Variants in CORO2B observed in about 807,000 individuals in gnomAD.
The protein encoded by CORO2B is coronin 2B.
CORO2B carries 26 observed loss-of-function variants against 58.8 expected under a neutral mutation model. That is an observed-to-expected ratio of 0.44 (90% CI 0.32 to 0.61). The LOEUF is 0.61. Among genes scored for constraint, CORO2B ranks in the 20% least tolerant of loss-of-function variants. CORO2B has a pLI of 0.04. For missense variants in CORO2B, 460 were observed against 645.1 expected (o/e 0.71, Z 3.11); for synonymous variants, 242 against 253.8 (o/e 0.95, Z 0.44).
intron 1 of CORO2B, among the ~76,000 whole-genome samples, chr15:68,600,512 C>G (rs540869493): frequency 6.6e-6 from 1 of 152,270 alleles, no homozygotes; most frequent in Admixed American, 6.5e-5. Context: ...AGGACTTAGT[C>G]GGAAAGACAA....
At chr15:68,587,597 C>T (rs905394634) in intron 1 of CORO2B, among the ~76,000 whole-genome samples, 1 of 152,012 alleles carries the variant, frequency 6.6e-6, no homozygotes, top group East Asian at 1.9e-4. Flanking sequence ...GGTGCTAGGC[C>T]CCTGCTTTCA....
At chr15:68,569,754 A>C in the CORO2B span, among the ~76,000 whole-genome samples, 8 of 152,342 alleles carry the variant, frequency 5.3e-5, no homozygotes, top group South Asian at 1.7e-3. Context: ...ATTCCTACCA[A>C]CAATGAATGA....
intron 1 of CORO2B, among the ~76,000 whole-genome samples, chr15:68,597,864 G>A (rs1328816675): frequency 1.3e-5 from 2 of 152,184 alleles, no homozygotes; most frequent in African/African-American, 2.4e-5. Context: ...GGCCACTGTG[G>A]TGGTCCAGGC....
intron 2 of CORO2B, among the ~76,000 whole-genome samples, chr15:68,687,052 A>G (rs1265390364): frequency 1.3e-5 from 2 of 152,182 alleles, no homozygotes. Flanking sequence ...ATGTGGACTC[A>G]ATATGGATTC....
chr15:68,704,830 A>G (rs922411031), intron 3 of CORO2B, among the ~76,000 whole-genome samples: 7 of 152,104 alleles, frequency 4.6e-5, no homozygotes, highest in African/African-American at 1.7e-4. Context: ...TGCTGGAGAG[A>G]GTAGTTTTGC....
chr15:68,577,145 T>G (rs770462104), upstream of CORO2B, among the ~76,000 whole-genome samples: 2 of 152,166 alleles, frequency 1.3e-5, no homozygotes, highest in Non-Finnish European at 2.9e-5. Context: ...AGAGATTTAG[T>G]AAGTCCCTGG....
chr15:68,613,232 A>C (rs1900280562), intron 1 of CORO2B, among the ~76,000 whole-genome samples: 1 of 152,226 alleles, frequency 6.6e-6, no homozygotes, highest in Admixed American at 6.5e-5. Context: ...CCTGATAAAA[A>C]CTGAGACTAT....
the CORO2B span, among the ~76,000 whole-genome samples, chr15:68,555,912 C>A: frequency 6.6e-6 from 1 of 152,310 alleles, no homozygotes; most frequent in African/African-American, 2.4e-5. Context: ...AGACGGCCAT[C>A]TGGCCCCTCC....
chr15:68,701,611 G>T (rs1049787795), intron 3 of CORO2B, among the ~76,000 whole-genome samples: 1 of 146,528 alleles, frequency 6.8e-6, no homozygotes, highest in African/African-American at 2.5e-5. Flanking sequence ...TCAGCCTCCC[G>T]TGTAGCTGGG....
chr15:68,641,786 G>A (rs1023346617), intron 1 of CORO2B, among the ~76,000 whole-genome samples: 1 of 152,090 alleles, frequency 6.6e-6, no homozygotes, highest in African/African-American at 2.4e-5. Flanking sequence ...GTGCAGTGGT[G>A]CGACTCAGCC....
In CORO2B at chr15:68,624,797, C is replaced by T. The variant is rs1900631306; in HGVS notation, c.16-20363C>T. Among the ~76,000 whole-genome samples, 7 of 152,248 alleles carry T rather than the reference C, an allele frequency of 4.6e-5. No homozygotes were observed. In the South Asian group the frequency reaches 1.4e-3, roughly 32 times the overall value. On this transcript the variant is annotated intron_variant, in intron 1 of 11. Coordinates refer to ENST00000261861, the MANE Select transcript of CORO2B (RefSeq NM_006091.5). ...AACCTCCATCTCCTGATTCTCTTGC[C>T]TCAGCCTCCTGAGTAGCTGGGATTA...
At chr15:68,715,140 C>T in intron 7 of CORO2B, 75 bp from the exon 8 acceptor site, 1 of 1,318,158 alleles carries the variant, frequency 7.6e-7, no homozygotes, top group South Asian at 1.2e-5. Flanking sequence ...CTGTCTTCAG[C>T]TGGCTCCTGG....
chr15:68,629,206 T>A lies in CORO2B; in HGVS notation c.16-15954T>A, dbSNP rs1355111565. ...TCTGCAGTAGTTCTGAATGAGTCAA[T>A]GTCTGAGAAAAGCATTTAGATCAGA... On this transcript the variant is annotated intron_variant, in intron 1 of 11. Coordinates refer to ENST00000261861, the MANE Select transcript of CORO2B (RefSeq NM_006091.5). Among the ~76,000 whole-genome samples, 4 of 152,354 alleles carry A rather than the reference T, an allele frequency of 2.6e-5. No homozygotes were observed. In the East Asian group the frequency reaches 5.8e-4, roughly 22 times the overall value.
intron 2 of CORO2B, among the ~76,000 whole-genome samples, chr15:68,668,877 G>A (rs865822105): frequency 2.6e-5 from 4 of 152,166 alleles, no homozygotes; most frequent in African/African-American, 7.2e-5. Flanking sequence ...TCAGGAGTTC[G>A]AGACTAGCCT....
chr15:68,555,313 C>G, the CORO2B span, among the ~76,000 whole-genome samples: 1 of 152,230 alleles, frequency 6.6e-6, no homozygotes, highest in African/African-American at 2.4e-5. Context: ...TCCCCTCCCA[C>G]CAAGGCTAGA....
intron 1 of CORO2B, among the ~76,000 whole-genome samples, chr15:68,596,963 G>A (rs1899846605): frequency 6.6e-6 from 1 of 152,174 alleles, no homozygotes; most frequent in South Asian, 2.1e-4. Flanking sequence ...TCCAAACTGG[G>A]TCTTGTCCTC....
chr15:68,590,187 G>T (rs1414560217), intron 1 of CORO2B, among the ~76,000 whole-genome samples: 1 of 152,108 alleles, frequency 6.6e-6, no homozygotes, highest in Admixed American at 6.5e-5. Flanking sequence ...AGTGGGTGGA[G>T]GGAAGGGGAG....
At chr15:68,616,306 C>T (rs1900356239) in intron 1 of CORO2B, among the ~76,000 whole-genome samples, 1 of 152,202 alleles carries the variant, frequency 6.6e-6, no homozygotes, top group Admixed American at 6.5e-5. Context: ...GAATCTTGGG[C>T]AGGAAATGTA....
In CORO2B at chr15:68,690,736, G is replaced by A. The variant is rs78110512; in HGVS notation, c.217-4404G>A. On this transcript the variant is annotated intron_variant, in intron 2 of 11. Transcript: ENST00000261861. ...ATGATCATGATTTATTGCAGCCTAG[G>A]CCTCCTGGGCTCAAGCAATCCTCCC... 4.6e-3 allele frequency among the ~76,000 whole-genome samples: 694 copies of A among 150,290 alleles called. 15 individuals carry two copies. The East Asian group carries it at 0.076, about 16-fold the overall frequency.
Sources: gnomAD v4.1 joint callset for allele counts (sites outside exome capture counted in the v4.1 genomes callset) on GRCh38, gnomAD v4.1.1 for gene constraint, MANE v1.5 for transcripts, NCBI Gene and HGNC (gene_info 2026-07-23, HGNC 2026-07-21) for gene names.